Variants in PDE4D observed in about 807,000 individuals in gnomAD.
The protein encoded by PDE4D is 3',5'-cyclic-AMP phosphodiesterase 4D.
Under a neutral mutation model 87.4 loss-of-function variants are expected in PDE4D, and 24 were observed. The observed-to-expected ratio is 0.27, with a 90% CI of 0.20 to 0.39. PDE4D has a LOEUF of 0.39. PDE4D is among the 10% of genes least tolerant of loss of function. The pLI, the probability that PDE4D is intolerant of heterozygous loss-of-function variation, is 1.00. For missense variants in PDE4D, 714 were observed against 1,041.0 expected (o/e 0.69, Z 4.32); for synonymous variants, 384 against 383.2 (o/e 1.00, Z -0.02).
intron 2 of PDE4D, among the ~76,000 whole-genome samples, chr5:60,136,909 C>G (rs1780099060): frequency 1.3e-5 from 2 of 151,988 alleles, no homozygotes; most frequent in South Asian, 2.1e-4. Flanking sequence ...TCCCATTACC[C>G]AGGTATTAAG....
chr5:60,346,615 C>T (rs1477760606), intron 1 of PDE4D, among the ~76,000 whole-genome samples: 1 of 152,096 alleles, frequency 6.6e-6, no homozygotes, highest in Admixed American at 6.6e-5. Context: ...AAGCAACAGC[C>T]ATGATGCAGG....
intron 1 of PDE4D, among the ~76,000 whole-genome samples, chr5:59,319,362 G>A (rs151265269): frequency 0.025 from 3,853 of 152,082 alleles, 71 homozygotes; most frequent in Middle Eastern, 0.058. Flanking sequence ...TACTTTTAAA[G>A]CAAATGGAAT....
intron 1 of PDE4D, among the ~76,000 whole-genome samples, chr5:59,463,161 GCTGA>G (rs1562233487): frequency 6.6e-6 from 1 of 152,126 alleles, no homozygotes; most frequent in African/African-American, 2.4e-5. Flanking sequence ...TACATAAATT[GCTGA>G]CTGAGGGAAA....
intron 2 of PDE4D, among the ~76,000 whole-genome samples, chr5:60,077,313 A>G (rs1773406141): frequency 6.6e-6 from 1 of 152,308 alleles, no homozygotes; most frequent in East Asian, 1.9e-4. Context: ...CCATGCAAAT[A>G]CATGGTGGCA....
intron 1 of PDE4D, among the ~76,000 whole-genome samples, chr5:60,396,948 C>G (rs532780754): frequency 6.6e-6 from 1 of 152,198 alleles, no homozygotes; most frequent in Admixed American, 6.5e-5. Context: ...AACACTAGGT[C>G]ATTCTGACTC....
chr5:59,796,225 G>A (rs756710769), intron 1 of PDE4D, among the ~76,000 whole-genome samples: 19 of 152,122 alleles, frequency 1.2e-4, no homozygotes, highest in Non-Finnish European at 2.6e-4. Context: ...ACTGAATATC[G>A]TAACTTTGAA....
intron 1 of PDE4D, among the ~76,000 whole-genome samples, chr5:59,556,581 A>C (rs1818957502): frequency 6.6e-6 from 1 of 152,190 alleles, no homozygotes; most frequent in African/African-American, 2.4e-5. Flanking sequence ...CTGTACGAGG[A>C]AAACTTAGTC....
At chr5:59,004,759 CAAACCTCCCTGGTG>C (rs1751256368) in intron 6 of PDE4D, among the ~76,000 whole-genome samples, 1 of 152,344 alleles carries the variant, frequency 6.6e-6, no homozygotes, top group Middle Eastern at 3.4e-3. Flanking sequence ...GGACACACAG[CAAACCTCCCTGGTG>C]AAAGGCTGTC....
rs568788694 is a variant in PDE4D, at chr5:60,484,992, G to A, written c.-90+2950C>T. 7.9e-5 allele frequency among the ~76,000 whole-genome samples: 12 copies of A among 152,232 alleles called. No individual in the cohort carries two copies. In the South Asian group the frequency reaches 1.0e-3, roughly 13 times the overall value. ...TTAGAAAACGTTTCATGGCCTGAGC[G>A]TGGTCCCGTTGACTCTAAGATTAAT... On this transcript the variant is annotated intron_variant, in intron 1 of 16. Transcript: ENST00000502484.
chr5:60,205,443 T>A (rs1742386314), intron 1 of PDE4D, among the ~76,000 whole-genome samples: 1 of 152,130 alleles, frequency 6.6e-6, no homozygotes, highest in African/African-American at 2.4e-5. Flanking sequence ...CAAATTCTGA[T>A]ACCACAAAAT....
At chr5:59,039,256 G>A in intron 5 of PDE4D, 6 of 1,207,628 alleles carry the variant, frequency 5.0e-6, no homozygotes, top group South Asian at 2.2e-5. Context: ...ACACAGCGAC[G>A]CGAGCGGAAA....
intron 1 of PDE4D, among the ~76,000 whole-genome samples, chr5:59,733,412 G>A (rs1370912889): frequency 6.6e-6 from 1 of 152,096 alleles, no homozygotes; most frequent in East Asian, 1.9e-4. Flanking sequence ...CATGGAGACA[G>A]AACAAATGGA....
At chr5:60,143,937 T>C (rs1327060801) in intron 2 of PDE4D, among the ~76,000 whole-genome samples, 16 of 152,132 alleles carry the variant, frequency 1.1e-4, no homozygotes, top group Admixed American at 1.0e-3. Context: ...CAACAAGATG[T>C]GAAGCAGGCT....
At chr5:59,345,800 T>C (rs1297962590) in intron 1 of PDE4D, among the ~76,000 whole-genome samples, 1 of 152,150 alleles carries the variant, frequency 6.6e-6, no homozygotes, top group Non-Finnish European at 1.5e-5. Context: ...TGGCAATATC[T>C]AAAGACAAAG....
intron 1 of PDE4D, among the ~76,000 whole-genome samples, chr5:60,466,580 GCAC>G (rs778073843): frequency 5.3e-5 from 8 of 152,060 alleles, no homozygotes; most frequent in Non-Finnish European, 1.0e-4. Context: ...TTTTTTCTGT[GCAC>G]CACAAGAGAG....
intron 1 of PDE4D, among the ~76,000 whole-genome samples, chr5:60,335,569 A>C (rs1245789097): frequency 6.6e-6 from 1 of 152,186 alleles, no homozygotes; most frequent in Admixed American, 6.5e-5. Flanking sequence ...TAAATGCTCT[A>C]AGAAAGGGTG....
intron 13 of PDE4D, 42 bp downstream of exon 13, chr5:58,976,308 C>CACAG (rs757055382): frequency 6.2e-7 from 1 of 1,603,554 alleles, no homozygotes; most frequent in South Asian, 1.1e-5. Flanking sequence ...TGCACATGTG[C>CACAG]ACAGACACAC....
intron 1 of PDE4D, among the ~76,000 whole-genome samples, chr5:59,637,081 G>A (rs984714514): frequency 5.9e-5 from 9 of 151,998 alleles, no homozygotes; most frequent in African/African-American, 1.2e-4. Flanking sequence ...AAAAGCAGAC[G>A]AAGGATATGG....
chr5:60,420,814 A>G (rs892595530), intron 1 of PDE4D, among the ~76,000 whole-genome samples: 2 of 152,046 alleles, frequency 1.3e-5, no homozygotes, highest in African/African-American at 2.4e-5. Context: ...GCCATGACAA[A>G]CAGGACACTC....
Sources: allele counts gnomAD v4.1 joint callset (sites outside exome capture counted in the v4.1 genomes callset), GRCh38; gene constraint gnomAD v4.1.1; transcripts MANE v1.5; gene names NCBI Gene and HGNC (gene_info 2026-07-23, HGNC 2026-07-21).